The following SLC24A3 variants were observed in gnomAD, a reference collection of about 807,000 sequenced individuals.
SLC24A3 encodes sodium/potassium/calcium exchanger 3.
SLC24A3 carries 28 observed loss-of-function variants against 75.8 expected under a neutral mutation model. The observed-to-expected ratio is 0.37, with a 90% CI of 0.27 to 0.51. The LOEUF (loss-of-function observed/expected upper bound fraction) is 0.51. Ranked by LOEUF, SLC24A3 falls within the 20% of genes least tolerant of loss-of-function variation. SLC24A3 has a pLI of 0.94. For missense variants in SLC24A3, 663 were observed against 847.8 expected (o/e 0.78, Z 2.71); for synonymous variants, 372 against 334.1 (o/e 1.11, Z -1.24).
chr20:19,705,757 A>G (rs1480342016), intron 15 of SLC24A3, among the ~76,000 whole-genome samples: 1 of 152,172 alleles, frequency 6.6e-6, no homozygotes, highest in African/African-American at 2.4e-5. Context: ...TCTGATAATT[A>G]CCATCCGGAT....
Position 19,683,037 on chromosome 20 carries a change from A to G in SLC24A3, c.901+1046A>G, listed in dbSNP as rs192424435. ...TCCCATATGGTTGCTTTGCAGGAAG[A>G]AAAAAAAAGAAATTAGAAAGATTAT... On this transcript the variant is annotated intron_variant, in intron 10 of 16. Coordinates refer to ENST00000328041, the MANE Select transcript of SLC24A3 (RefSeq NM_020689.4). Among the ~76,000 whole-genome samples the G allele has an allele frequency of 7.9e-5, 12 of 151,064 alleles. No individual in the cohort carries two copies. The East Asian group carries it at 2.1e-3, about 27-fold the overall frequency.
intron 6 of SLC24A3, among the ~76,000 whole-genome samples, chr20:19,641,594 T>A (rs1462218679): frequency 6.6e-6 from 1 of 151,836 alleles, no homozygotes; most frequent in Non-Finnish European, 1.5e-5. Flanking sequence ...AGTGCTAGGG[T>A]ATTTCTCATT....
At chr20:19,406,109 T>C (rs557212591) in intron 2 of SLC24A3, among the ~76,000 whole-genome samples, 10 of 152,314 alleles carry the variant, frequency 6.6e-5, no homozygotes, top group African/African-American at 2.2e-4. Flanking sequence ...GAGGCTTAAC[T>C]GCCTTCAAGA....
chr20:19,613,593 C>G (rs1052986819), intron 6 of SLC24A3, among the ~76,000 whole-genome samples: 1 of 152,182 alleles, frequency 6.6e-6, no homozygotes, highest in Non-Finnish European at 1.5e-5. Context: ...AATTCCTGGG[C>G]GTCACTTCCA....
At chr20:19,336,916 C>T (rs1985149430) in intron 2 of SLC24A3, among the ~76,000 whole-genome samples, 1 of 152,122 alleles carries the variant, frequency 6.6e-6, no homozygotes, top group Non-Finnish European at 1.5e-5. Context: ...TAAATCCCAG[C>T]ACATCATGTT....
chr20:19,282,226 A>G (rs1983686798), intron 2 of SLC24A3, among the ~76,000 whole-genome samples: 1 of 152,196 alleles, frequency 6.6e-6, no homozygotes, highest in African/African-American at 2.4e-5. Flanking sequence ...GACTCTTAAC[A>G]ATCAGCTTTC....
chr20:19,473,302 A>G (rs1184286919), intron 2 of SLC24A3, among the ~76,000 whole-genome samples: 1 of 152,230 alleles, frequency 6.6e-6, no homozygotes, highest in Non-Finnish European at 1.5e-5. Flanking sequence ...TTATTTATTT[A>G]CATTATAAAG....
At chr20:19,536,121 C>T (rs935554624) in intron 3 of SLC24A3, among the ~76,000 whole-genome samples, 19 of 152,188 alleles carry the variant, frequency 1.2e-4, no homozygotes, top group African/African-American at 3.6e-4. Flanking sequence ...GGAGAGATGC[C>T]GCTGATGGAG....
chr20:19,352,154 G>A (rs1251604848), intron 2 of SLC24A3, among the ~76,000 whole-genome samples: 1 of 152,080 alleles, frequency 6.6e-6, no homozygotes, highest in Middle Eastern at 3.2e-3. Context: ...GTAGTTCTGT[G>A]GCTTAAATTA....
intron 1 of SLC24A3, among the ~76,000 whole-genome samples, chr20:19,252,708 T>A (rs1447457075): frequency 1.3e-5 from 2 of 151,702 alleles, no homozygotes; most frequent in East Asian, 3.9e-4. Flanking sequence ...TACATTCATT[T>A]GTATGTGACT....
intron 2 of SLC24A3, among the ~76,000 whole-genome samples, chr20:19,403,716 G>A (rs1986591844): frequency 6.6e-6 from 1 of 152,158 alleles, no homozygotes; most frequent in African/African-American, 2.4e-5. Flanking sequence ...GTGGGAAAGG[G>A]CATTCCAGGT....
At chr20:19,386,287 AATTT>A (rs1454931585) in intron 2 of SLC24A3, among the ~76,000 whole-genome samples, 16 of 152,190 alleles carry the variant, frequency 1.1e-4, no homozygotes, top group African/African-American at 3.4e-4. Flanking sequence ...AACTTTACTG[AATTT>A]ATTTATCAGT....
At chr20:19,509,881 C>T (rs1407031772) in intron 2 of SLC24A3, among the ~76,000 whole-genome samples, 1 of 152,220 alleles carries the variant, frequency 6.6e-6, no homozygotes, top group Non-Finnish European at 1.5e-5. Flanking sequence ...CAAAGCCACA[C>T]TTTGGAAATG....
chr20:19,660,148 C>A (rs2032310565), intron 7 of SLC24A3, among the ~76,000 whole-genome samples: 1 of 152,066 alleles, frequency 6.6e-6, no homozygotes, highest in South Asian at 2.1e-4. Flanking sequence ...TTTTTTATTT[C>A]AATGGCTTTT....
intron 2 of SLC24A3, among the ~76,000 whole-genome samples, chr20:19,368,794 C>T (rs543862925): frequency 2.4e-4 from 37 of 152,240 alleles, no homozygotes; most frequent in South Asian, 6.2e-4. Context: ...TCTCAGCATC[C>T]GGGAGAATTT....
intron 3 of SLC24A3, among the ~76,000 whole-genome samples, chr20:19,532,006 G>A (rs1266815814): frequency 6.6e-6 from 1 of 152,196 alleles, no homozygotes; most frequent in African/African-American, 2.4e-5. Context: ...TGCAGCTCAC[G>A]AATGGTGGAA....
intron 3 of SLC24A3, among the ~76,000 whole-genome samples, chr20:19,520,576 G>A (rs574070005): frequency 6.6e-6 from 1 of 152,306 alleles, no homozygotes; most frequent in East Asian, 1.9e-4. Flanking sequence ...GTCCAAGCAG[G>A]ATTCTTGTGC....
chr20:19,492,556 C>T (rs1316884981), intron 2 of SLC24A3, among the ~76,000 whole-genome samples: 1 of 152,198 alleles, frequency 6.6e-6, no homozygotes, highest in African/African-American at 2.4e-5. Context: ...GTGGTAGAAT[C>T]CCACTCACTA....
At chr20:19,676,581 A>G (rs1240427055) in intron 9 of SLC24A3, among the ~76,000 whole-genome samples, 3 of 152,254 alleles carry the variant, frequency 2.0e-5, no homozygotes, top group Non-Finnish European at 4.4e-5. Flanking sequence ...ACAAAATTTA[A>G]AACATTCAAT....
Sources: gnomAD v4.1 joint callset for allele counts (sites outside exome capture counted in the v4.1 genomes callset) on GRCh38, gnomAD v4.1.1 for gene constraint, MANE v1.5 for transcripts, NCBI Gene and HGNC (gene_info 2026-07-23, HGNC 2026-07-21) for gene names.